Variants in UPP1 observed in about 807,000 individuals in gnomAD.
UPP1 encodes UPase 1.
Under a neutral mutation model 29.6 loss-of-function variants are expected in UPP1, and 25 were observed. That is an observed-to-expected ratio of 0.85 (90% confidence interval 0.62 to 1.18). UPP1 has a LOEUF of 1.18. Among genes scored for constraint, UPP1 ranks in the 50% most tolerant of loss-of-function variants. The pLI is 0.00. For synonymous variants in UPP1, 165 were observed against 159.8 expected (o/e 1.03, Z -0.25); for missense variants, 368 against 410.4 (o/e 0.90, Z 0.89).
chr7:48,092,586 C>T (rs1341970247), intron 2 of UPP1, among the ~76,000 whole-genome samples: 1 of 152,102 alleles, frequency 6.6e-6, no homozygotes, highest in East Asian at 1.9e-4. Flanking sequence ...CCTGTAATTC[C>T]AGCTACTTGG....
At chr7:48,101,784 A>G (rs1362353839) in intron 4 of UPP1, 40 bp from the exon 5 acceptor site, 1 of 1,604,888 alleles carries the variant, frequency 6.2e-7, no homozygotes, top group Non-Finnish European at 8.5e-7. Flanking sequence ...CCTCTGCTAT[A>G]GACAGTGCAC....
chr7:48,108,424 CT>C lies in UPP1; in HGVS notation c.*68del. The stretch of plus-strand genomic sequence containing the variant: ...CATTAAAAGCATTGTCCAAAATCCC[CT>C]GTTGTGTGGACTTTGAGCACACTTT... On this transcript the variant is annotated 3_prime_UTR_variant, in exon 9 of 9. Coordinates refer to ENST00000395564, the MANE Select transcript of UPP1 (RefSeq NM_003364.4). The C allele has an allele frequency of 6.5e-7, 1 of 1,544,548 alleles. No homozygotes were observed. The highest frequency in any genetic ancestry group is 2.3e-5 in the East Asian group (1 of 43,494).
At position 48,094,748 on chromosome 7, in the gene UPP1, AT is replaced by A. The variant is rs751241418; in HGVS notation, c.-21-7del. 2.4e-5 allele frequency: 38 copies of A among 1,612,840 alleles called. No individual in the cohort carries two copies. The African/African-American group carries it at 3.5e-4, about 15-fold the overall frequency. ...CTGAGTGGATTCACTCCATTCTGTG[AT>A]TTTTTTTCCTTAGGGTCCTGCCTCA... On this transcript the variant is annotated splice_polypyrimidine_tract_variant and intron_variant, in intron 2 of 8. Coordinates refer to ENST00000395564, the MANE Select transcript of UPP1 (RefSeq NM_003364.4).
chr7:48,107,260 G>T, intron 7 of UPP1, 101 bp from the exon 8 acceptor site: 3 of 1,477,626 alleles, frequency 2.0e-6, no homozygotes, highest in Non-Finnish European at 2.8e-6. Flanking sequence ...GACCTGGATG[G>T]GTCTTGCTTG....
chr7:48,107,310 G>A (rs781382788), intron 7 of UPP1, 51 bp from the exon 8 acceptor site: 5 of 1,576,174 alleles, frequency 3.2e-6, no homozygotes, highest in Admixed American at 1.8e-5. Flanking sequence ...CTGATGTGTT[G>A]TAGGAGCTTC....
intron 2 of UPP1, among the ~76,000 whole-genome samples, chr7:48,091,160 T>C (rs192432743): frequency 1.9e-4 from 29 of 152,354 alleles, no homozygotes; most frequent in Admixed American, 1.8e-3. Flanking sequence ...ACACATTTGC[T>C]TTTGAAATAT....
chr7:48,094,930 C>A, intron 3 of UPP1, 103 bp downstream of exon 3: 1 of 1,331,510 alleles, frequency 7.5e-7, no homozygotes, highest in Non-Finnish European at 1.1e-6. Context: ...TATATTAACA[C>A]ATTTGATGCT....
intron 2 of UPP1, among the ~76,000 whole-genome samples, chr7:48,093,264 A>G (rs931927275): frequency 6.6e-6 from 1 of 152,204 alleles, no homozygotes; most frequent in Admixed American, 6.5e-5. Flanking sequence ...TCACTATATT[A>G]TGGTAATAAT....
rs1792320759 is a variant in UPP1 at position 48,099,766 on chromosome 7, A to G, written c.141A>G (p.Pro47=). 1 of 1,612,568 alleles carries G rather than the reference A, an allele frequency of 6.2e-7. No homozygotes were observed. Among genetic ancestry groups the G allele is most frequent in the African/African-American group, 1.3e-5 (1 of 74,898 alleles). The stretch of plus-strand genomic sequence containing the variant: ...TCACCACTAGCAGACACAATTTCCC[A>G]GCCTTGTTTGGAGATGTGAAGGTAA... ...FNLTTSRHNF[P]ALFGDVKFVC... Residue 47 remains proline (P), a synonymous_variant, in exon 4 of 9, where the codon CCA becomes CCG. Coordinates refer to ENST00000395564, the MANE Select transcript of UPP1 (RefSeq NM_003364.4).
intron 6 of UPP1, chr7:48,105,767 GC>G (rs1792697764): frequency 6.6e-6 from 1 of 152,090 alleles, no homozygotes; most frequent in Non-Finnish European, 1.5e-5. Context: ...TCTTATAAGG[GC>G]ACTAATCCCA....
At position 48,103,427 on chromosome 7, in the gene UPP1, G is replaced by C. The variant is rs1311085107; in HGVS notation, c.436+16G>C. On this transcript the variant is annotated intron_variant, in intron 6 of 8. Transcript: ENST00000395564. The stretch of plus-strand genomic sequence containing the variant: ...GGTGGGATAGGTAAGGTCTGCAGAG[G>C]GGCCTCTTGCCCTGTGAATGGATGA... 2 of 1,605,278 alleles carry C rather than the reference G, an allele frequency of 1.2e-6. No individual in the cohort carries two copies. Among genetic ancestry groups the C allele is most frequent in the Non-Finnish European group, 1.7e-6 (2 of 1,172,212 alleles).
At position 48,103,665 on chromosome 7, in the gene UPP1, G is replaced by A; in HGVS notation, c.436+254G>A. On this transcript the variant is annotated intron_variant, in intron 6 of 8. Coordinates refer to ENST00000395564, the MANE Select transcript of UPP1 (RefSeq NM_003364.4). ...GCATATGGGGGAAACTCATCCTTTT[G>A]GGGTTACACAATTTGTGCCTTCTTG... The A allele has an allele frequency of 1.0e-5, 11 of 1,051,504 alleles. No individual in the cohort carries two copies. The South Asian group carries it at 1.6e-4, about 16-fold the overall frequency. The allele number at this position is 1,051,504 out of a possible 1,614,324, so 65.1% of individuals were successfully genotyped here.
chr7:48,088,962 G>A (rs1791657648), upstream of UPP1: 2 of 152,298 alleles, frequency 1.3e-5, no homozygotes, highest in African/African-American at 2.4e-5. Flanking sequence ...TGTTTAATGA[G>A]TAACAGAACT....
intron 2 of UPP1, among the ~76,000 whole-genome samples, chr7:48,091,148 A>ACACACATTTT (rs1233873384): frequency 1.3e-5 from 2 of 152,128 alleles, no homozygotes; most frequent in Non-Finnish European, 2.9e-5. Context: ...TCTCTCTCTC[A>ACACACATTTT]CACACATTTG....
At chr7:48,101,109 T>C (rs1269264940) in intron 4 of UPP1, among the ~76,000 whole-genome samples, 4 of 152,126 alleles carry the variant, frequency 2.6e-5, no homozygotes, top group African/African-American at 9.7e-5. Context: ...GGTTTTACCA[T>C]GTTGGACAGG....
intron 8 of UPP1, among the ~76,000 whole-genome samples, chr7:48,107,882 A>G (rs1171126328): frequency 2.0e-5 from 3 of 152,220 alleles, no homozygotes; most frequent in Admixed American, 2.0e-4. Context: ...ACAGCTCTGC[A>G]GAATTCCCTT....
intron 4 of UPP1, among the ~76,000 whole-genome samples, 180 bp from the exon 5 acceptor site, chr7:48,101,644 A>G (rs1792427921): frequency 6.6e-6 from 1 of 152,078 alleles, no homozygotes; most frequent in Admixed American, 6.5e-5. Flanking sequence ...ACCACTCACC[A>G]GGGGGCCTTG....
intron 1 of UPP1, among the ~76,000 whole-genome samples, chr7:48,089,953 G>C (rs1314611310): frequency 6.6e-6 from 1 of 152,196 alleles, no homozygotes; most frequent in African/African-American, 2.4e-5. Context: ...GGGAGAAGGG[G>C]GTAAAATTTC....
intron 6 of UPP1, 188 bp from the exon 7 acceptor site, chr7:48,106,684 TA>T (rs1011692775): frequency 4.7e-5 from 28 of 591,798 alleles, no homozygotes; most frequent in East Asian, 1.2e-4. Context: ...TTTCATAGCT[TA>T]AAAAAAAGTT....
Sources: allele counts gnomAD v4.1 joint callset (sites outside exome capture counted in the v4.1 genomes callset), GRCh38; gene constraint gnomAD v4.1.1; transcripts MANE v1.5; gene names NCBI Gene and HGNC (gene_info 2026-07-23, HGNC 2026-07-21).